Variants in SMYD3 observed in about 807,000 individuals in gnomAD.
SMYD3 encodes the protein histone-lysine N-methyltransferase SMYD3.
SMYD3 carries 36 observed loss-of-function variants against 57.7 expected under a neutral mutation model. That is an observed-to-expected ratio of 0.62 (90% confidence interval 0.48 to 0.82). The LOEUF (loss-of-function observed/expected upper bound fraction) is 0.82. Ranked by LOEUF, SMYD3 falls within the 40% of genes least tolerant of loss-of-function variation. The pLI is 0.00. For missense variants in SMYD3, 515 were observed against 538.8 expected (o/e 0.96, Z 0.44); for synonymous variants, 211 against 195.0 (o/e 1.08, Z -0.68).
intron 2 of SMYD3, among the ~76,000 whole-genome samples, chr1:246,348,490 T>C (rs552170138): frequency 5.3e-5 from 8 of 152,090 alleles, no homozygotes; most frequent in Non-Finnish European, 1.2e-4. Context: ...CTAAGCAAAG[T>C]AGCACAGAAA....
intron 5 of SMYD3, among the ~76,000 whole-genome samples, chr1:245,974,145 G>T (rs1210210740): frequency 6.6e-6 from 1 of 151,972 alleles, no homozygotes; most frequent in East Asian, 1.9e-4. Context: ...CACTCCCACT[G>T]TGAGTATCCT....
intron 5 of SMYD3, among the ~76,000 whole-genome samples, chr1:246,013,966 T>C (rs2059331029): frequency 6.6e-6 from 1 of 152,192 alleles, no homozygotes; most frequent in South Asian, 2.1e-4. Context: ...AAAATTAAAA[T>C]ACATCACCTA....
At chr1:246,463,515 C>T (rs984359690) in intron 1 of SMYD3, among the ~76,000 whole-genome samples, 1 of 151,986 alleles carries the variant, frequency 6.6e-6, no homozygotes, top group East Asian at 1.9e-4. Context: ...ATCAACTAGA[C>T]AGTTAAATAC....
chr1:246,214,264 T>A (rs531624318), intron 5 of SMYD3, among the ~76,000 whole-genome samples: 1 of 152,166 alleles, frequency 6.6e-6, no homozygotes, highest in South Asian at 2.1e-4. Flanking sequence ...AGATAATACA[T>A]TTGTGAAAGC....
chr1:246,085,493 T>TA (rs2060707319), intron 5 of SMYD3, among the ~76,000 whole-genome samples: 1 of 152,158 alleles, frequency 6.6e-6, no homozygotes, highest in Non-Finnish European at 1.5e-5. Flanking sequence ...CAAAGGACCC[T>TA]AATGTGTGAG....
intron 5 of SMYD3, among the ~76,000 whole-genome samples, chr1:246,285,839 A>T (rs1277356354): frequency 6.6e-6 from 1 of 152,234 alleles, no homozygotes; most frequent in African/African-American, 2.4e-5. Context: ...GGATACGAAT[A>T]GACAATTCTC....
intron 5 of SMYD3, among the ~76,000 whole-genome samples, chr1:246,319,712 T>C (rs1283954107): frequency 6.6e-6 from 1 of 152,108 alleles, no homozygotes; most frequent in Non-Finnish European, 1.5e-5. Flanking sequence ...TTCCCACAAA[T>C]TAGCCCACCA....
intron 8 of SMYD3, among the ~76,000 whole-genome samples, chr1:245,879,894 C>G (rs1216002275): frequency 1.3e-5 from 2 of 152,072 alleles, no homozygotes; most frequent in African/African-American, 2.4e-5. Flanking sequence ...CATGGTGTAC[C>G]CTAGAGACAG....
chr1:246,375,047 C>T (rs572885371), intron 1 of SMYD3, among the ~76,000 whole-genome samples: 2 of 152,014 alleles, frequency 1.3e-5, no homozygotes, highest in Non-Finnish European at 2.9e-5. Flanking sequence ...GAGCCGAGAT[C>T]GCGCTGTTGC....
Position 246,487,485 on chromosome 1 carries a change from G to A in SMYD3, c.164+19569C>T, listed in dbSNP as rs563406193. ...GAAAAAAAAAAAGTTAAAATACAAG[G>A]TGGTAAATGTGATAAAAGATACAAT... is the stretch of plus-strand genomic sequence containing the variant. On this transcript the variant is annotated intron_variant, in intron 1 of 11. Transcript: ENST00000490107. 9.9e-5 allele frequency among the ~76,000 whole-genome samples: 15 copies of A among 152,060 alleles called. No individual in the cohort carries two copies. The East Asian group carries it at 2.7e-3, about 27-fold the overall frequency.
At chr1:245,920,331 AAAAAAAAG>A (rs1476587481) in intron 7 of SMYD3, among the ~76,000 whole-genome samples, 1 of 151,922 alleles carries the variant, frequency 6.6e-6, no homozygotes, top group Non-Finnish European at 1.5e-5. Flanking sequence ...AAAAAAAAAA[AAAAAAAAG>A]ATGACCAAGT....
At chr1:245,972,620 C>T (rs1276500324) in intron 5 of SMYD3, among the ~76,000 whole-genome samples, 1 of 152,240 alleles carries the variant, frequency 6.6e-6, no homozygotes, top group East Asian at 1.9e-4. Context: ...CCTCCCCCAA[C>T]CCCTGGAATC....
chr1:246,397,101 G>C (rs2066685367), intron 1 of SMYD3, among the ~76,000 whole-genome samples: 1 of 152,198 alleles, frequency 6.6e-6, no homozygotes, highest in South Asian at 2.1e-4. Context: ...CTGTCAGTCT[G>C]TTGCCTGTTA....
intron 8 of SMYD3, among the ~76,000 whole-genome samples, chr1:245,895,099 C>G (rs2053675264): frequency 6.6e-6 from 1 of 152,166 alleles, no homozygotes; most frequent in African/African-American, 2.4e-5. Context: ...TGCCCAGAAG[C>G]CTCTCCCCGT....
At chr1:245,812,544 C>T (rs890908640) in intron 10 of SMYD3, among the ~76,000 whole-genome samples, 2 of 152,030 alleles carry the variant, frequency 1.3e-5, no homozygotes, top group African/African-American at 2.4e-5. Context: ...CAGGGCTGCC[C>T]GAGGAAACCC....
At position 246,168,767 on chromosome 1, in the gene SMYD3, G is replaced by T. The variant is rs113232942; in HGVS notation, c.531+158434C>A. On this transcript the variant is annotated intron_variant, in intron 5 of 11. Transcript: ENST00000490107. Reference sequence around the variant, plus strand: ...CATGTCAAGCAGTCCACCTGCTTGGGTCTAAAAGTCATGTATATTGTTCTG... The same window carrying T: ...CATGTCAAGCAGTCCACCTGCTTGGTTCTAAAAGTCATGTATATTGTTCTG... Among the ~76,000 whole-genome samples the T allele has an allele frequency of 1.6e-3, 246 of 152,214 alleles. 1 individual carries two copies. Among genetic ancestry groups the T allele is most frequent in the African/African-American group, 5.5e-3 (228 of 41,532 alleles).
chr1:246,115,969 T>A (rs906092480), intron 5 of SMYD3, among the ~76,000 whole-genome samples: 4 of 151,542 alleles, frequency 2.6e-5, no homozygotes, highest in African/African-American at 9.7e-5. Context: ...TGAAACCCCA[T>A]CTCTACTAAA....
At chr1:246,397,118 T>C (rs1191547104) in intron 1 of SMYD3, among the ~76,000 whole-genome samples, 1 of 152,208 alleles carries the variant, frequency 6.6e-6, no homozygotes, top group Non-Finnish European at 1.5e-5. Context: ...GTTAGAAACC[T>C]GGCTGCACGA....
chr1:246,382,156 G>C (rs2066397847), intron 1 of SMYD3, among the ~76,000 whole-genome samples: 1 of 151,200 alleles, frequency 6.6e-6, no homozygotes, highest in African/African-American at 2.4e-5. Context: ...CTCCGGGCCA[G>C]TTCCTATAGC....
Sources: allele counts gnomAD v4.1 joint callset (sites outside exome capture counted in the v4.1 genomes callset), GRCh38; gene constraint gnomAD v4.1.1; transcripts MANE v1.5; gene names NCBI Gene and HGNC (gene_info 2026-07-23, HGNC 2026-07-21).